The following PLD1 variants were observed in gnomAD, a reference collection of about 807,000 sequenced individuals.
The protein encoded by PLD1 is phospholipase D1.
A neutral mutation model predicts 137.1 loss-of-function variants in PLD1; 112 were observed. The ratio of observed to expected loss-of-function variants is 0.82; its 90% CI spans 0.70 to 0.96. The LOEUF (loss-of-function observed/expected upper bound fraction) is 0.96. Ranked by LOEUF, PLD1 falls within the 40% of genes least tolerant of loss-of-function variation. The pLI is 0.00. For synonymous variants in PLD1, 431 were observed against 454.7 expected, an observed-to-expected ratio of 0.95 and a Z score of 0.66; for missense variants, 1,321 against 1,342.0, an observed-to-expected ratio of 0.98 and a Z score of 0.24.
intron 1 of PLD1, among the ~76,000 whole-genome samples, chr3:171,776,507 A>G (rs771358057): frequency 1.3e-5 from 2 of 152,240 alleles, no homozygotes; most frequent in Non-Finnish European, 2.9e-5. Context: ...TCTAACCAAG[A>G]CAGAAGACTT....
intron 2 of PLD1, 37 bp downstream of exon 2, chr3:171,737,855 A>T (rs1386274107): frequency 1.0e-5 from 16 of 1,584,870 alleles, no homozygotes; most frequent in Non-Finnish European, 1.3e-5. Flanking sequence ...AACCGAGATA[A>T]ACTCTTTTCT....
chr3:171,613,371 C>T (rs77333072), intron 24 of PLD1, among the ~76,000 whole-genome samples: 1 of 151,982 alleles, frequency 6.6e-6, no homozygotes, highest in Admixed American at 6.6e-5. Context: ...CTAACTGTTA[C>T]AATCATCAAG....
intron 21 of PLD1, chr3:171,653,424 T>A (rs1160855402): frequency 1.3e-5 from 2 of 152,214 alleles, no homozygotes; most frequent in African/African-American, 4.8e-5. Context: ...ATCAGATCAA[T>A]AACAGGGAAA....
In PLD1 at chr3:171,601,138, A is replaced by C. The variant is rs2108239908; in HGVS notation, c.*1940T>G. On this transcript the variant is annotated 3_prime_UTR_variant, in exon 27 of 27. Coordinates refer to ENST00000351298, the MANE Select transcript of PLD1 (RefSeq NM_002662.5). ...GGGCTGCAGCAATGTTGCTAGTCCC[A>C]GCTCTACCATCTACACATTGAGTGG... 1 of 152,312 alleles carries C rather than the reference A, an allele frequency of 6.6e-6. No individual in the cohort carries two copies. The highest frequency in any genetic ancestry group is 2.1e-4 in the South Asian group (1 of 4,824). The allele number at this position is 152,312 out of a possible 1,614,324, so 9.4% of individuals were successfully genotyped here.
At chr3:171,787,486 G>A (rs547208871) in intron 1 of PLD1, among the ~76,000 whole-genome samples, 7 of 152,212 alleles carry the variant, frequency 4.6e-5, no homozygotes, top group Admixed American at 1.3e-4. Flanking sequence ...TGTACAAAAT[G>A]CAGCACCCAA....
At chr3:171,678,084 G>A (rs6805911) in intron 16 of PLD1, among the ~76,000 whole-genome samples, 13,701 of 152,094 alleles carry the variant, frequency 0.09, 1,816 homozygotes, top group African/African-American at 0.29. Context: ...TGGGAAGGGC[G>A]GGGAGGGGAG....
chr3:171,671,990 G>GC (rs1163121126), intron 19 of PLD1, among the ~76,000 whole-genome samples: 2 of 77,272 alleles, frequency 2.6e-5, no homozygotes, highest in African/African-American at 4.8e-5. Context: ...CCCCCACCCC[G>GC]CCCCCGCCCT....
intron 1 of PLD1, among the ~76,000 whole-genome samples, chr3:171,751,345 A>G (rs1486260552): frequency 6.6e-6 from 1 of 152,190 alleles, no homozygotes; most frequent in Non-Finnish European, 1.5e-5. Flanking sequence ...AAAGTTTAAA[A>G]CGTTCATTGA....
chr3:171,783,500 A>T (rs1171675124), intron 1 of PLD1, among the ~76,000 whole-genome samples: 1 of 152,196 alleles, frequency 6.6e-6, no homozygotes, highest in Non-Finnish European at 1.5e-5. Flanking sequence ...GAGTGGACGT[A>T]AAAGTGTTGA....
At chr3:171,645,457 A>G (rs973331989) in intron 21 of PLD1, among the ~76,000 whole-genome samples, 1 of 152,186 alleles carries the variant, frequency 6.6e-6, no homozygotes, top group Non-Finnish European at 1.5e-5. Context: ...TGAGTAAATC[A>G]GTTCTCATAG....
At chr3:171,687,002 T>C (rs570563821) in intron 15 of PLD1, among the ~76,000 whole-genome samples, 1 of 152,290 alleles carries the variant, frequency 6.6e-6, no homozygotes, top group East Asian at 1.9e-4. Flanking sequence ...TTTGACGAAA[T>C]AAGCTTGATA....
chr3:171,767,101 G>A (rs1395850406), intron 1 of PLD1, among the ~76,000 whole-genome samples: 2 of 152,158 alleles, frequency 1.3e-5, no homozygotes, highest in Admixed American at 6.5e-5. Flanking sequence ...CACTCCTACT[G>A]GCCAAATTAA....
intron 1 of PLD1, among the ~76,000 whole-genome samples, chr3:171,764,946 G>GGAAGGAAAGAA (rs1560289500): frequency 4.3e-5 from 1 of 22,990 alleles, no homozygotes; most frequent in Non-Finnish European, 8.8e-5. Flanking sequence ...AAGAAAGAAA[G>GGAAGGAAAGAA]AAAGAAAGAA....
rs745752749 is a variant in PLD1 at position 171,807,212 on chromosome 3, A to G, written c.-32+3187T>C. 3.1e-4 allele frequency among the ~76,000 whole-genome samples: 47 copies of G among 152,192 alleles called. No individual in the cohort carries two copies. In the Middle Eastern group the frequency reaches 0.01, roughly 33 times the overall value. ...TAGTTCCAGCTACTCAGAAACTGAG[A>G]TGGGAGTATCACTTGAGCCTAGGAG... On this transcript the variant is annotated intron_variant, in intron 1 of 26. Coordinates refer to ENST00000351298, the MANE Select transcript of PLD1 (RefSeq NM_002662.5).
chr3:171,679,510 A>AC (rs1713736876), intron 16 of PLD1, among the ~76,000 whole-genome samples: 1 of 152,210 alleles, frequency 6.6e-6, no homozygotes, highest in Admixed American at 6.5e-5. Flanking sequence ...AGGGATGAAA[A>AC]ATGAGATAAA....
At chr3:171,678,715 T>G (rs1271157291) in intron 16 of PLD1, among the ~76,000 whole-genome samples, 1 of 152,158 alleles carries the variant, frequency 6.6e-6, no homozygotes, top group Non-Finnish European at 1.5e-5. Context: ...CCCTGGAAGG[T>G]TCACATACTG....
At chr3:171,717,011 G>C (rs972354056) in intron 8 of PLD1, among the ~76,000 whole-genome samples, 7 of 152,148 alleles carry the variant, frequency 4.6e-5, no homozygotes, top group Non-Finnish European at 7.4e-5. Context: ...AGATCAGATG[G>C]TTGTAGGTGT....
intron 25 of PLD1, among the ~76,000 whole-genome samples, chr3:171,605,634 A>G (rs936940914): frequency 6.6e-6 from 1 of 152,244 alleles, no homozygotes; most frequent in Non-Finnish European, 1.5e-5. Context: ...ATAACAAAAA[A>G]TTCTCAAGCA....
In PLD1 at chr3:171,674,388, T is replaced by G. The variant is rs374720250; in HGVS notation, c.2229+112A>C. Reference sequence around the variant, plus strand: ...ATTAAAAGATCCATTTAGTTTTGCTTTAGAAAAGCAGTCATTGAAAAATCT... The same window carrying G: ...ATTAAAAGATCCATTTAGTTTTGCTGTAGAAAAGCAGTCATTGAAAAATCT... On this transcript the variant is annotated intron_variant, in intron 19 of 26. Coordinates refer to ENST00000351298, the MANE Select transcript of PLD1 (RefSeq NM_002662.5). The G allele has an allele frequency of 8.4e-5, 43 of 509,430 alleles. No individual in the cohort carries two copies. In the South Asian group the frequency reaches 1.0e-3, roughly 12 times the overall value. The allele number at this position is 509,430 out of a possible 1,614,324, so 31.6% of individuals were successfully genotyped here.
Sources: allele counts gnomAD v4.1 joint callset (sites outside exome capture counted in the v4.1 genomes callset), GRCh38; gene constraint gnomAD v4.1.1; transcripts MANE v1.5; gene names NCBI Gene and HGNC (gene_info 2026-07-23, HGNC 2026-07-21).